Variants in RAP1A observed in about 807,000 individuals in gnomAD.
The protein encoded by RAP1A is RAP1A, member of RAS oncogene family.
RAP1A carries 6 observed loss-of-function variants against 26.4 expected under a neutral mutation model. The ratio of observed to expected loss-of-function variants is 0.23; its 90% CI spans 0.12 to 0.45. The LOEUF is 0.45. Among genes scored for constraint, RAP1A ranks in the 20% least tolerant of loss-of-function variants. The pLI is 0.99. For missense variants in RAP1A, 121 were observed against 217.2 expected, an observed-to-expected ratio of 0.56 and a Z score of 2.78; for synonymous variants, 73 against 79.4, an observed-to-expected ratio of 0.92 and a Z score of 0.43.
chr1:111,634,912 G>A (rs1035688455), intron 1 of RAP1A, among the ~76,000 whole-genome samples: 1 of 152,114 alleles, frequency 6.6e-6, no homozygotes, highest in African/African-American at 2.4e-5. Flanking sequence ...CAAAGTGCTA[G>A]GGTTACAGGC....
At chr1:111,554,015 G>A (rs1186793423) in intron 1 of RAP1A, among the ~76,000 whole-genome samples, 1 of 152,218 alleles carries the variant, frequency 6.6e-6, no homozygotes, top group Admixed American at 6.5e-5. Flanking sequence ...AAGCAGAAAT[G>A]GAATGTGACT....
chr1:111,602,090 C>T (rs1388851851), intron 1 of RAP1A: 1 of 152,228 alleles, frequency 6.6e-6, no homozygotes, highest in East Asian at 1.9e-4. Context: ...TGAATTAGAT[C>T]CTTTAGCCAA....
intron 1 of RAP1A, among the ~76,000 whole-genome samples, chr1:111,643,084 G>T (rs1458608663): frequency 6.6e-6 from 1 of 152,002 alleles, no homozygotes; most frequent in Non-Finnish European, 1.5e-5. Context: ...AATTTTTTTT[G>T]TAAGGGGCCA....
intron 1 of RAP1A, among the ~76,000 whole-genome samples, chr1:111,593,652 C>CTT (rs994763442): frequency 0.035 from 2,276 of 65,350 alleles, 245 homozygotes; most frequent in African/African-American, 0.067. Flanking sequence ...ATGACTCCTA[C>CTT]TTTTTTTTTT....
intron 1 of RAP1A, among the ~76,000 whole-genome samples, chr1:111,564,761 C>T (rs1657874352): frequency 6.6e-6 from 1 of 151,606 alleles, no homozygotes; most frequent in South Asian, 2.1e-4. Flanking sequence ...ATCCATCCGC[C>T]TCGGCCTCCC....
At chr1:111,641,655 G>A (rs142749227) in intron 1 of RAP1A, among the ~76,000 whole-genome samples, 18 of 152,112 alleles carry the variant, frequency 1.2e-4, no homozygotes, top group African/African-American at 4.3e-4. Flanking sequence ...GTGTGCGCGC[G>A]CATGCACATA....
intron 1 of RAP1A, among the ~76,000 whole-genome samples, chr1:111,544,025 A>G (rs1182173420): frequency 6.6e-6 from 1 of 152,208 alleles, no homozygotes; most frequent in Non-Finnish European, 1.5e-5. Context: ...ATTGGAAGTC[A>G]TAGTTTCCAA....
At chr1:111,668,441 A>G (rs1557884911) in intron 1 of RAP1A, among the ~76,000 whole-genome samples, 1 of 152,224 alleles carries the variant, frequency 6.6e-6, no homozygotes, top group East Asian at 1.9e-4. Flanking sequence ...AACATTTTGT[A>G]GTGCTTCCTA....
intron 1 of RAP1A, among the ~76,000 whole-genome samples, chr1:111,600,988 G>A (rs1658659435): frequency 6.6e-6 from 1 of 152,168 alleles, no homozygotes; most frequent in African/African-American, 2.4e-5. Flanking sequence ...GTAGGCAGAT[G>A]TGAGTTTCAG....
intron 1 of RAP1A, among the ~76,000 whole-genome samples, chr1:111,566,677 A>T (rs1160998894): frequency 1.3e-5 from 2 of 152,160 alleles, no homozygotes; most frequent in Non-Finnish European, 2.9e-5. Context: ...CTTTGATCAG[A>T]TGATGGTTAA....
At chr1:111,566,245 C>A (rs1302292451) in intron 1 of RAP1A, among the ~76,000 whole-genome samples, 1 of 152,064 alleles carries the variant, frequency 6.6e-6, no homozygotes, top group Admixed American at 6.5e-5. Context: ...AGGAGGAAAA[C>A]CAGTTAGTGC....
intron 1 of RAP1A, among the ~76,000 whole-genome samples, chr1:111,637,776 G>C (rs933689853): frequency 2.4e-4 from 37 of 152,044 alleles, no homozygotes; most frequent in African/African-American, 8.9e-4. Flanking sequence ...TAGATGTATA[G>C]TAGTATGTGA....
At chr1:111,583,496 A>C (rs2101062111) in intron 1 of RAP1A, among the ~76,000 whole-genome samples, 1 of 152,140 alleles carries the variant, frequency 6.6e-6, no homozygotes. Context: ...AGTCAGTTTA[A>C]GCACGATGTA....
At chr1:111,586,036 ATCTT>A (rs1396576725) in intron 1 of RAP1A, among the ~76,000 whole-genome samples, 5 of 152,178 alleles carry the variant, frequency 3.3e-5, no homozygotes, top group African/African-American at 9.7e-5. Flanking sequence ...GCTTGTAGGT[ATCTT>A]TCTTTCTCAG....
intron 1 of RAP1A, among the ~76,000 whole-genome samples, chr1:111,611,190 A>C (rs191999438): frequency 3.2e-4 from 49 of 152,290 alleles, no homozygotes; most frequent in Admixed American, 2.5e-3. Flanking sequence ...TTGGCTCCTA[A>C]CTTTTATCTA....
At chr1:111,599,437 C>T (rs554639616) in intron 1 of RAP1A, among the ~76,000 whole-genome samples, 1 of 152,294 alleles carries the variant, frequency 6.6e-6, no homozygotes, top group East Asian at 1.9e-4. Context: ...CATCTCCTGA[C>T]CTCGTGATCC....
chr1:111,572,003 A>G (rs1194667526), intron 1 of RAP1A, among the ~76,000 whole-genome samples: 2 of 116,230 alleles, frequency 1.7e-5, no homozygotes, highest in East Asian at 2.5e-4. Flanking sequence ...CAGGGGCTGC[A>G]GCACAGTGCC....
intron 1 of RAP1A, among the ~76,000 whole-genome samples, chr1:111,611,460 T>A (rs189702256): frequency 1.3e-5 from 2 of 152,356 alleles, no homozygotes; most frequent in African/African-American, 2.4e-5. Context: ...CAGATTTTTT[T>A]AAAGTTACTT....
In RAP1A at chr1:111,642,757, G is replaced by T. The variant is rs188954886; in HGVS notation, c.-28+22823G>T. On this transcript the variant is annotated intron_variant, in intron 1 of 7. Coordinates refer to ENST00000369709, the MANE Select transcript of RAP1A (RefSeq NM_002884.4). Reference sequence around the variant, plus strand: ...CCGCCTTGGCCTCCCAAGGAGCTGGGATTACAGGCGTGAGCCGCCGTGCCC... The same window carrying T: ...CCGCCTTGGCCTCCCAAGGAGCTGGTATTACAGGCGTGAGCCGCCGTGCCC... Among the ~76,000 whole-genome samples, 1,036 of 149,880 alleles carry T rather than the reference G, an allele frequency of 6.9e-3. 8 individuals are homozygous for T. The highest frequency in any genetic ancestry group is 0.024 in the African/African-American group (997 of 40,760).
Sources: gnomAD v4.1 joint callset for allele counts (sites outside exome capture counted in the v4.1 genomes callset) on GRCh38, gnomAD v4.1.1 for gene constraint, MANE v1.5 for transcripts, NCBI Gene and HGNC (gene_info 2026-07-23, HGNC 2026-07-21) for gene names.